The following AADAC variants were observed in gnomAD, a reference collection of about 807,000 sequenced individuals.
AADAC encodes the protein arylacetamide deacetylase (esterase).
In AADAC, 17 loss-of-function variants were observed where a neutral mutation model predicts 22.7. The ratio of observed to expected loss-of-function variants is 0.75; its 90% CI spans 0.51 to 1.12. The LOEUF is 1.12. Ranked by LOEUF, AADAC falls within the 50% of genes most tolerant of loss-of-function variation. AADAC has a pLI of 0.00. For synonymous variants in AADAC, 167 were observed against 176.3 expected (o/e 0.95, Z 0.42); for missense variants, 465 against 473.9 (o/e 0.98, Z 0.17).
intron 1 of AADAC, among the ~76,000 whole-genome samples, chr3:151,816,515 T>C (rs930252061): frequency 1.3e-5 from 2 of 152,102 alleles, no homozygotes; most frequent in South Asian, 2.1e-4. Flanking sequence ...CTGAGATTCT[T>C]GAGAAGAGCA....
intron 3 of AADAC, 60 bp downstream of exon 3, chr3:151,820,512 C>CTTTTTTTT: frequency 1.6e-6 from 1 of 615,062 alleles, no homozygotes; most frequent in South Asian, 3.8e-5. Context: ...ATTTTCTCAG[C>CTTTTTTTT]TTTCTTTTTT....
intron 1 of AADAC, among the ~76,000 whole-genome samples, chr3:151,816,912 C>G (rs901227872): frequency 6.6e-6 from 1 of 151,848 alleles, no homozygotes; most frequent in Non-Finnish European, 1.5e-5. Context: ...GGTAGCAGCC[C>G]TCAGAGAGAA....
chr3:151,814,203 T>A lies in AADAC; in HGVS notation c.41T>A (p.Leu14His). The change falls in exon 1 of 5, where the codon CTC becomes CAC. Residue 14 changes from leucine to histidine, a missense_variant. Transcript: ENST00000232892. The stretch of plus-strand genomic sequence containing the variant: ...CTGTACCTTCTGATTGTGGGGATCC[T>A]CATAGCATATTATATTTATACGCCT... The part of the protein sequence containing the change: ...KSLYLLIVGI[L>H]IAYYIYTPLP... 6.2e-7 allele frequency: 1 copy of A among 1,613,352 alleles called. No individual in the cohort carries two copies. The highest frequency in any genetic ancestry group is 8.5e-7 in the Non-Finnish European group (1 of 1,179,510).
At chr3:151,816,489 T>C (rs1381867297) in intron 1 of AADAC, among the ~76,000 whole-genome samples, 5 of 152,086 alleles carry the variant, frequency 3.3e-5, no homozygotes, top group Admixed American at 2.6e-4. Context: ...CATTTATTTG[T>C]CTTTCACACT....
chr3:151,828,197 T>G lies in AADAC; in HGVS notation c.*25T>G. ...GTAAAACATGTAGCTATAACATATT[T>G]TAAAAATAAAATCTGAAAACCTCAG... On this transcript the variant is annotated 3_prime_UTR_variant, in exon 5 of 5. Coordinates refer to ENST00000232892, the MANE Select transcript of AADAC (RefSeq NM_001086.3). 2 of 1,368,204 alleles carry G rather than the reference T, an allele frequency of 1.5e-6. No homozygotes were observed. The highest frequency in any genetic ancestry group is 1.9e-6 in the Non-Finnish European group (2 of 1,032,576). The allele number at this position is 1,368,204 out of a possible 1,614,324, so 84.8% of individuals were successfully genotyped here. A position where few individuals can be genotyped will look rare whatever the true frequency, so the allele number is the denominator to read the frequency against.
At position 151,828,119 on chromosome 3, in the gene AADAC, A is replaced by G. The variant is rs1716587404; in HGVS notation, c.1147A>G (p.Ile383Val). The G allele has an allele frequency of 1.2e-6, 2 of 1,608,218 alleles. No homozygotes were observed. Among genetic ancestry groups the G allele is most frequent in the Non-Finnish European group, 8.5e-7 (1 of 1,175,866 alleles). The change falls in exon 5 of 5, where the codon ATT becomes GTT. Residue 383 changes from isoleucine to valine, a missense_variant. Transcript: ENST00000232892. ...HGAFSFLGLK[I>V]SHRLINQYIE... Reference sequence around the variant, plus strand: ...AGCATTTTCATTTCTGGGACTTAAAATTAGTCACAGACTTATAAATCAGTA... The same window carrying G: ...AGCATTTTCATTTCTGGGACTTAAAGTTAGTCACAGACTTATAAATCAGTA...
Position 151,824,780 on chromosome 3 carries a change from C to A in AADAC, c.549C>A (p.Ile183=), listed in dbSNP as rs776921335. ...LAKYGVNPER[I]GISGDSAGGN... ...AATATGGTGTGAACCCTGAGAGAATCGGTATTTCTGGAGATAGTGCAGGAG... is the reference window on the plus strand; with the variant it reads ...AATATGGTGTGAACCCTGAGAGAATAGGTATTTCTGGAGATAGTGCAGGAG... Residue 183 remains isoleucine, a synonymous_variant, in exon 4 of 5, where the codon ATC becomes ATA. Coordinates refer to ENST00000232892, the MANE Select transcript of AADAC (RefSeq NM_001086.3). 3.1e-5 allele frequency: 49 copies of A among 1,606,498 alleles called. No individual in the cohort carries two copies. The South Asian group carries it at 5.1e-4, about 17-fold the overall frequency.
chr3:151,821,532 A>C (rs773417033), intron 3 of AADAC, among the ~76,000 whole-genome samples: 1 of 152,008 alleles, frequency 6.6e-6, no homozygotes, highest in Admixed American at 6.6e-5. Context: ...TCATTATTAT[A>C]AAGTTGGGAC....
chr3:151,823,568 C>A (rs916235406), intron 3 of AADAC, among the ~76,000 whole-genome samples: 3 of 151,726 alleles, frequency 2.0e-5, no homozygotes, highest in Non-Finnish European at 2.9e-5. Context: ...TTATAAGATA[C>A]CTGCATATAC....
chr3:151,822,291 A>G (rs1381840235), intron 3 of AADAC, among the ~76,000 whole-genome samples: 1 of 152,012 alleles, frequency 6.6e-6, no homozygotes, highest in East Asian at 1.9e-4. Flanking sequence ...TTGACCCAGT[A>G]TTTCCATTTC....
At chr3:151,817,206 G>A (rs1315837645) in intron 1 of AADAC, among the ~76,000 whole-genome samples, 160 bp from the exon 2 acceptor site, 2 of 151,922 alleles carry the variant, frequency 1.3e-5, no homozygotes, top group Non-Finnish European at 2.9e-5. Flanking sequence ...CATAACCTTT[G>A]CATTTCTGGT....
chr3:151,814,492 A>G (rs1303244093), intron 1 of AADAC, among the ~76,000 whole-genome samples, 192 bp downstream of exon 1: 1 of 152,064 alleles, frequency 6.6e-6, no homozygotes, highest in Non-Finnish European at 1.5e-5. Context: ...CATGTTAAAA[A>G]AATATCAAGA....
chr3:151,821,381 A>G (rs1716249694), intron 3 of AADAC, among the ~76,000 whole-genome samples: 2 of 152,026 alleles, frequency 1.3e-5, no homozygotes, highest in South Asian at 2.1e-4. Flanking sequence ...CCACCTATGG[A>G]AAGAGCACTT....
chr3:151,817,667 CCCTT>C, intron 2 of AADAC, 79 bp downstream of exon 2: 3 of 1,283,870 alleles, frequency 2.3e-6, no homozygotes, highest in Non-Finnish European at 3.3e-6. Flanking sequence ...GGTACACATG[CCCTT>C]CGGCATGGAC....
intron 3 of AADAC, among the ~76,000 whole-genome samples, chr3:151,823,997 G>A (rs1716359521): frequency 6.6e-6 from 1 of 151,994 alleles, no homozygotes; most frequent in African/African-American, 2.4e-5. Context: ...TAGGTACAAT[G>A]TTGTACAGCA....
chr3:151,817,664 A>G (rs1258968706), intron 2 of AADAC, 76 bp downstream of exon 2: 7 of 1,317,422 alleles, frequency 5.3e-6, no homozygotes, highest in South Asian at 1.2e-5. Flanking sequence ...GTAGGTACAC[A>G]TGCCCTTCGG....
chr3:151,824,709 GTA>G lies in AADAC; in HGVS notation c.483_484del (p.Tyr161Ter). The G allele has an allele frequency of 1.3e-6, 2 of 1,597,772 alleles. No homozygotes were observed. The highest frequency in any genetic ancestry group is 8.5e-7 in the Non-Finnish European group (1 of 1,172,754). On this transcript the variant is annotated frameshift_variant, in exon 4 of 5. Transcript: ENST00000232892. LOFTEE classifies it high-confidence loss of function. ...TCATTTCCCAATTCAATTTGAAGAT[GTA>G]TATAATGCCTTAAGGTGGTTCTTAC... ...KYHFPIQFED[V>X]YNALRWFLRK...
chr3:151,819,885 C>T (rs1716161072), intron 2 of AADAC, among the ~76,000 whole-genome samples: 1 of 151,996 alleles, frequency 6.6e-6, no homozygotes, highest in Admixed American at 6.6e-5. Flanking sequence ...TTTAAGGGGA[C>T]CTAGTTCTAT....
In AADAC at chr3:151,824,667, A is replaced by G. The variant is rs759598919; in HGVS notation, c.436A>G (p.Arg146Gly). 1.3e-6 allele frequency: 2 copies of G among 1,555,338 alleles called. 1 individual carries two copies. The highest frequency in any genetic ancestry group is 1.7e-6 in the Non-Finnish European group (2 of 1,152,704). The change falls in exon 4 of 5, where the codon AGA becomes GGA. Residue 146 changes from arginine to glycine, a missense_variant. By Grantham distance (125) the Arg-to-Gly change is moderately radical. Transcript: ENST00000232892. ...LDAVVVSTNY[R>G]LAPKYHFPIQ... ...AACTATGTTTTCTCTCTACAGCTAC[A>G]GATTAGCACCTAAGTATCATTTCCC...
Sources: allele counts gnomAD v4.1 joint callset (sites outside exome capture counted in the v4.1 genomes callset), GRCh38; gene constraint gnomAD v4.1.1; transcripts MANE v1.5; gene names NCBI Gene and HGNC (gene_info 2026-07-23, HGNC 2026-07-21).